The following SRI variants were observed in gnomAD, a reference collection of about 807,000 sequenced individuals.
The protein encoded by SRI is sorcin.
SRI carries 30 observed loss-of-function variants against 33.3 expected under a neutral mutation model. That is an observed-to-expected ratio of 0.90 (90% CI 0.67 to 1.22). The LOEUF (loss-of-function observed/expected upper bound fraction) is 1.22. SRI is among the 50% of genes most tolerant of loss of function. The pLI is 0.00. For missense variants in SRI, 243 were observed against 250.8 expected (o/e 0.97, Z 0.21); for synonymous variants, 75 against 89.9 (o/e 0.83, Z 0.94).
upstream of SRI, among the ~76,000 whole-genome samples, chr7:88,221,236 C>T (rs191586027): frequency 2.2e-4 from 34 of 152,298 alleles, no homozygotes; most frequent in Non-Finnish European, 4.4e-4. Flanking sequence ...GGGCTATTGT[C>T]CTCATTCGGT....
upstream of SRI, chr7:88,220,176 G>A (rs1027407841): frequency 1.5e-6 from 2 of 1,316,600 alleles, no homozygotes; most frequent in East Asian, 3.2e-5. Context: ...TCTTGCCTGT[G>A]CGCGCGGCCG....
upstream of SRI, among the ~76,000 whole-genome samples, chr7:88,224,133 A>G (rs1586725273): frequency 6.6e-6 from 1 of 152,226 alleles, no homozygotes; most frequent in Non-Finnish European, 1.5e-5. Flanking sequence ...ACCTAGCCAG[A>G]TGTAGATATT....
chr7:88,206,987 T>C (rs1461719316), intron 7 of SRI, among the ~76,000 whole-genome samples: 1 of 152,190 alleles, frequency 6.6e-6, no homozygotes, highest in African/African-American at 2.4e-5. Flanking sequence ...AGTGTATGTA[T>C]GCACAGAAAC....
chr7:88,211,790 C>G (rs919103105), intron 3 of SRI, among the ~76,000 whole-genome samples: 2 of 152,050 alleles, frequency 1.3e-5, no homozygotes, highest in African/African-American at 4.8e-5. Flanking sequence ...AGATAAGACC[C>G]CATGACCAAT....
At chr7:88,220,270 A>G (rs1364204742), upstream of SRI, among the ~76,000 whole-genome samples, 11 of 152,114 alleles carry the variant, frequency 7.2e-5, no homozygotes, top group Non-Finnish European at 1.6e-4. Context: ...GTGGCGGCCT[A>G]CGACCTGCGA....
In SRI at chr7:88,205,715, T is replaced by C. The variant is rs879936731; in HGVS notation, c.*763A>G. The C allele has an allele frequency of 6.6e-6, 1 of 152,150 alleles. No individual in the cohort carries two copies. The highest frequency in any genetic ancestry group is 2.4e-5 in the African/African-American group (1 of 41,436). The allele number at this position is 152,150 out of a possible 1,614,324, so 9.4% of individuals were successfully genotyped here. On this transcript the variant is annotated 3_prime_UTR_variant, in exon 8 of 8. Coordinates refer to ENST00000265729, the MANE Select transcript of SRI (RefSeq NM_003130.4). Reference sequence around the variant, plus strand: ...TGTATCAGTATTTTAAAAACTAAAATCTGATTTTAAAAGGAAAGCATATAG... The same window carrying C: ...TGTATCAGTATTTTAAAAACTAAAACCTGATTTTAAAAGGAAAGCATATAG...
At chr7:88,210,797 G>T in intron 4 of SRI, 85 bp downstream of exon 4, 3 of 1,267,804 alleles carry the variant, frequency 2.4e-6, no homozygotes, top group Non-Finnish European at 3.4e-6. Context: ...TTATTACTTT[G>T]TGTTTACTAG....
chr7:88,222,588 G>A (rs1205721058), upstream of SRI, among the ~76,000 whole-genome samples: 1 of 151,930 alleles, frequency 6.6e-6, no homozygotes, highest in Non-Finnish European at 1.5e-5. Flanking sequence ...CTGGATATTA[G>A]CCCTCAAACT....
At position 88,206,440 on chromosome 7, in the gene SRI, T is replaced by G. The variant is rs776898640; in HGVS notation, c.*38A>C. 3.1e-6 allele frequency: 5 copies of G among 1,612,110 alleles called. No homozygotes were observed. Among genetic ancestry groups the G allele is most frequent in the East Asian group, 2.2e-5 (1 of 44,822 alleles). ...GAGGACAAGCAAAGGAGAGCTCCAG[T>G]TGGAATGTTGATTACATTCATGCAG... On this transcript the variant is annotated 3_prime_UTR_variant, in exon 8 of 8. Transcript: ENST00000265729.
chr7:88,210,858 G>C, intron 4 of SRI, 24 bp downstream of exon 4: 1 of 1,608,772 alleles, frequency 6.2e-7, no homozygotes, highest in Non-Finnish European at 8.5e-7. Context: ...AATTATTCTA[G>C]ACAACAATCA....
rs1851815884 is a variant in SRI, at chr7:88,219,208, A to AC, written c.52-267dup. Reference sequence around the variant, plus strand: ...AAAGCAACTTTTAAAATCCCTATTAACCTGAAGGTTACTGAGGTGAGTGCA... The same window carrying AC: ...AAAGCAACTTTTAAAATCCCTATTAACCCTGAAGGTTACTGAGGTGAGTGCA... On this transcript the variant is annotated intron_variant, in intron 1 of 7. Transcript: ENST00000265729. 97 of 455,022 alleles carry AC rather than the reference A, an allele frequency of 2.1e-4. 1 individual carries two copies. Among genetic ancestry groups the AC allele is most frequent in the South Asian group, 2.0e-3 (95 of 48,208 alleles). 28.2% of individuals were successfully genotyped at this position (455,022 alleles called of 1,614,324 possible). A position where few individuals can be genotyped will look rare whatever the true frequency, so the allele number is the denominator to read the frequency against.
intron 7 of SRI, among the ~76,000 whole-genome samples, chr7:88,206,953 T>C (rs1368289052): frequency 1.3e-5 from 2 of 152,174 alleles, no homozygotes; most frequent in Non-Finnish European, 2.9e-5. Flanking sequence ...AAATCTGCTT[T>C]ATTAAAACAA....
intron 1 of SRI, among the ~76,000 whole-genome samples, chr7:88,225,482 C>T (rs1851976094): frequency 1.3e-5 from 2 of 152,124 alleles, no homozygotes; most frequent in Admixed American, 1.3e-4. Context: ...GAGTAGGGGC[C>T]TGGATGAGTT....
chr7:88,213,487 C>G (rs2115769924), intron 3 of SRI, among the ~76,000 whole-genome samples: 1 of 152,318 alleles, frequency 6.6e-6, no homozygotes, highest in African/African-American at 2.4e-5. Flanking sequence ...CCCCATCCCA[C>G]TCACTTCATG....
chr7:88,221,777 C>T (rs938379382), upstream of SRI, among the ~76,000 whole-genome samples: 13 of 151,422 alleles, frequency 8.6e-5, no homozygotes, highest in East Asian at 2.0e-4. Flanking sequence ...CATGCTGGTG[C>T]GCTGCACCCA....
chr7:88,212,641 G>A (rs1004628416), intron 3 of SRI, among the ~76,000 whole-genome samples: 5 of 152,196 alleles, frequency 3.3e-5, no homozygotes, highest in Admixed American at 3.3e-4. Context: ...GCATCACCCA[G>A]GAGCTTGAAG....
At chr7:88,216,432 A>C (rs1183864481) in intron 3 of SRI, among the ~76,000 whole-genome samples, 2 of 152,146 alleles carry the variant, frequency 1.3e-5, no homozygotes, top group African/African-American at 2.4e-5. Context: ...ATGAAGTGGA[A>C]GAGGAAAGAC....
intron 3 of SRI, among the ~76,000 whole-genome samples, chr7:88,211,213 G>T (rs1851570022): frequency 1.3e-5 from 2 of 152,178 alleles, no homozygotes; most frequent in Admixed American, 1.3e-4. Context: ...AGCACTTTGG[G>T]GGGTGCCGAG....
chr7:88,223,368 T>G (rs1439128985), upstream of SRI, among the ~76,000 whole-genome samples: 1 of 152,204 alleles, frequency 6.6e-6, no homozygotes, highest in Non-Finnish European at 1.5e-5. Flanking sequence ...AGAACAGAGC[T>G]GAGCTATGCT....
Sources: gnomAD v4.1 joint callset for allele counts (sites outside exome capture counted in the v4.1 genomes callset) on GRCh38, gnomAD v4.1.1 for gene constraint, MANE v1.5 for transcripts, NCBI Gene and HGNC (gene_info 2026-07-23, HGNC 2026-07-21) for gene names.